Variants in NAPA observed in about 807,000 individuals in gnomAD.
The protein encoded by NAPA is alpha-soluble NSF attachment protein.
NAPA carries 18 observed loss-of-function variants against 48.0 expected under a neutral mutation model. That is an observed-to-expected ratio of 0.38 (90% confidence interval 0.26 to 0.56). The LOEUF is 0.56. Among genes scored for constraint, NAPA ranks in the 20% least tolerant of loss-of-function variants. The pLI is 0.77. For synonymous variants in NAPA, 152 were observed against 149.9 expected, an observed-to-expected ratio of 1.01 and a Z score of -0.10; for missense variants, 315 against 385.0, an observed-to-expected ratio of 0.82 and a Z score of 1.52.
chr19:47,493,596 G>A lies in NAPA; in HGVS notation c.343-103C>T. The A allele has an allele frequency of 4.2e-6, 4 of 954,292 alleles. No homozygotes were observed. The highest frequency in any genetic ancestry group is 2.6e-5 in the South Asian group (2 of 75,666). The allele number at this position is 954,292 out of a possible 1,614,324, so 59.1% of individuals were successfully genotyped here. ...GTTCCCACCCCTCAGCCACGCCTGT[G>A]AGGAGGTATGAAGAAGACCTGAGGT... On this transcript the variant is annotated intron_variant, in intron 4 of 10. Transcript: ENST00000263354. The surrounding 1 kb of genome is among the most constrained non-coding windows in gnomAD (Gnocchi z 6.4).
intron 1 of NAPA, among the ~76,000 whole-genome samples, chr19:47,505,038 T>G (rs1274069872): frequency 2.0e-5 from 3 of 152,174 alleles, no homozygotes; most frequent in Non-Finnish European, 2.9e-5. Context: ...GGGACCTCAT[T>G]AGTACCTCAA....
At chr19:47,513,804 G>A (rs994066412) in intron 1 of NAPA, among the ~76,000 whole-genome samples, 5 of 148,488 alleles carry the variant, frequency 3.4e-5, no homozygotes, top group Non-Finnish European at 7.4e-5. Context: ...GGAGTCTCCA[G>A]CCTCAACCCA....
At chr19:47,509,434 C>T (rs778338029) in intron 1 of NAPA, among the ~76,000 whole-genome samples, 1 of 152,158 alleles carries the variant, frequency 6.6e-6, no homozygotes, top group African/African-American at 2.4e-5. Flanking sequence ...TGCCAGCCTG[C>T]GTTTCCTTAT....
At chr19:47,503,174 A>G (rs1390756695) in intron 2 of NAPA, among the ~76,000 whole-genome samples, 2 of 152,250 alleles carry the variant, frequency 1.3e-5, no homozygotes, top group Non-Finnish European at 2.9e-5. Flanking sequence ...ATCAATCCAC[A>G]TGGGTTTATC....
At chr19:47,500,500 G>A in intron 3 of NAPA, 133 bp downstream of exon 3, 5 of 654,782 alleles carry the variant, frequency 7.6e-6, no homozygotes, top group Non-Finnish European at 9.9e-6. Context: ...CTCTGCCTCA[G>A]GCACGCCCCT....
At chr19:47,502,267 A>G (rs1325388613) in intron 2 of NAPA, among the ~76,000 whole-genome samples, 1 of 135,952 alleles carries the variant, frequency 7.4e-6, no homozygotes, top group Non-Finnish European at 1.6e-5. Flanking sequence ...AAAAAAAAAA[A>G]ATTTCAAGAA....
rs1038001015 is a variant in NAPA at position 47,493,735 on chromosome 19, G to T, written c.343-242C>A. ...GGTGATGTTGGACAAGCCACTCCAG[G>T]GCCTTAGCCTAATTCCATCCCATCC... On this transcript the variant is annotated intron_variant, in intron 4 of 10. Coordinates refer to ENST00000263354, the MANE Select transcript of NAPA (RefSeq NM_003827.4). This position sits in a 1 kb window ranked among gnomAD's most constrained non-coding sequence, Gnocchi z 6.4. 1 of 542,536 alleles carries T rather than the reference G, an allele frequency of 1.8e-6. No individual in the cohort carries two copies. Among genetic ancestry groups the T allele is most frequent in the Non-Finnish European group, 3.3e-6 (1 of 299,280 alleles). 33.6% of individuals were successfully genotyped at this position (542,536 alleles called of 1,614,324 possible).
Position 47,490,850 on chromosome 19 carries a change from C to A in NAPA, c.673G>T (p.Val225Phe), listed in dbSNP as rs1968247379. Reference protein sequence around the residue: ...CIDMLNAKLAVQKYEELFPAF... With the variant: ...CIDMLNAKLAFQKYEELFPAF... ...GGGAACAGCTCCTCATACTTTTGGA[C>A]AGCCAGCTGGGCAGCAGGGAAGGGA... The change falls in exon 9 of 11, where the codon GTC becomes TTC. Residue 225 changes from valine to phenylalanine, a missense_variant. Coordinates refer to ENST00000263354, the MANE Select transcript of NAPA (RefSeq NM_003827.4). The A allele has an allele frequency of 1.9e-6, 3 of 1,613,312 alleles. No homozygotes were observed. The highest frequency in any genetic ancestry group is 2.7e-5 in the African/African-American group (2 of 74,876).
chr19:47,499,698 T>C (rs546912225), intron 3 of NAPA, among the ~76,000 whole-genome samples: 1 of 152,336 alleles, frequency 6.6e-6, no homozygotes, highest in South Asian at 2.1e-4. Flanking sequence ...ATCTGGGAAC[T>C]AACACGTCAG....
chr19:47,491,039 C>A, intron 8 of NAPA, 183 bp from the exon 9 acceptor site: 2 of 533,528 alleles, frequency 3.7e-6, no homozygotes, highest in Non-Finnish European at 6.7e-6. Context: ...GAGCTCAGCA[C>A]CAGCCTGGCT....
chr19:47,503,384 G>A (rs1338328850), intron 2 of NAPA, 39 bp downstream of exon 2: 1 of 1,565,560 alleles, frequency 6.4e-7, no homozygotes, highest in African/African-American at 1.4e-5. Flanking sequence ...TGAGGGAGGA[G>A]GAGAGCACCT....
At chr19:47,511,282 T>C (rs1319238517) in intron 1 of NAPA, among the ~76,000 whole-genome samples, 1 of 152,154 alleles carries the variant, frequency 6.6e-6, no homozygotes, top group Non-Finnish European at 1.5e-5. Flanking sequence ...GCCTGAGTGA[T>C]TCCCGCCCGC....
rs769198984 is a variant in NAPA at position 47,506,608 on chromosome 19, C to T, written c.99-3106G>A. On this transcript the variant is annotated intron_variant, in intron 1 of 10. Coordinates refer to ENST00000263354, the MANE Select transcript of NAPA (RefSeq NM_003827.4). This position sits in a 1 kb window ranked among gnomAD's most constrained non-coding sequence, Gnocchi z 4.0. ...ACCCACGTCACTGAGTGGCCCACAGCGGGCAATCAACAATGAGCAGAGTCA... is the reference window on the plus strand; with the variant it reads ...ACCCACGTCACTGAGTGGCCCACAGTGGGCAATCAACAATGAGCAGAGTCA... Among the ~76,000 whole-genome samples the T allele has an allele frequency of 6.6e-6, 1 of 152,210 alleles. No homozygotes were observed. Among genetic ancestry groups the T allele is most frequent in the African/African-American group, 2.4e-5 (1 of 41,450 alleles).
chr19:47,492,550 C>A (rs532384524), intron 7 of NAPA: 3 of 400,588 alleles, frequency 7.5e-6, no homozygotes, highest in Non-Finnish European at 1.4e-5. Context: ...GCTCCGTGCA[C>A]GCTGGGGGGA....
chr19:47,503,073 C>G (rs1456927373), intron 2 of NAPA, among the ~76,000 whole-genome samples: 1 of 152,240 alleles, frequency 6.6e-6, no homozygotes, highest in African/African-American at 2.4e-5. Context: ...TGAACATCCT[C>G]CCCCAGCCTA....
Position 47,495,564 on chromosome 19 carries a change from T to G in NAPA, c.328A>C (p.Ile110Leu). Residue 110 changes from isoleucine to leucine, a missense_variant, in exon 4 of 11, where the codon ATC (isoleucine) becomes CTC (leucine). This residue lies in a region of NAPA where 173 missense variants were observed against 213.5 expected (regional missense o/e 0.81). Transcript: ENST00000263354. ...GCAGCCCTTACCATGTCTGTGTAGA[T>G]CTCGATTGCTCGCATCAAACAGTTA... ...AINCLMRAIEIYTDMGRFTIA... is the reference protein window; with the variant it reads ...AINCLMRAIELYTDMGRFTIA... 1 of 1,613,858 alleles carries G rather than the reference T, an allele frequency of 6.2e-7. No individual in the cohort carries two copies. Among genetic ancestry groups the G allele is most frequent in the Non-Finnish European group, 8.5e-7 (1 of 1,179,918 alleles).
intron 1 of NAPA, among the ~76,000 whole-genome samples, chr19:47,507,654 G>A (rs117954303): frequency 2.6e-5 from 4 of 152,304 alleles, no homozygotes; most frequent in East Asian, 1.9e-4. Flanking sequence ...CCTAGGGCCC[G>A]TCACATGCCT....
At chr19:47,499,134 C>T (rs1968508241) in intron 3 of NAPA, among the ~76,000 whole-genome samples, 1 of 152,228 alleles carries the variant, frequency 6.6e-6, no homozygotes, top group Non-Finnish European at 1.5e-5. Context: ...CCTGCAGAGT[C>T]TCGCTGGAGA....
downstream of NAPA, among the ~76,000 whole-genome samples, chr19:47,487,314 G>A (rs758844252): frequency 8.5e-5 from 13 of 152,206 alleles, no homozygotes; most frequent in Admixed American, 4.6e-4. Flanking sequence ...CATGAGGACC[G>A]TCACATTCGA....
Sources: gnomAD v4.1 joint callset for allele counts (sites outside exome capture counted in the v4.1 genomes callset) on GRCh38, gnomAD v4.1.1 for gene constraint, gnomAD v4.1.1 regional missense constraint, Gnocchi (gnomAD v3.1) non-coding constraint, MANE v1.5 for transcripts, NCBI Gene and HGNC (gene_info 2026-07-23, HGNC 2026-07-21) for gene names.